The following EIF2AK1 variants were observed in gnomAD, a reference collection of about 807,000 sequenced individuals.
The protein encoded by EIF2AK1 is eukaryotic translation initiation factor 2-alpha kinase 1.
A neutral mutation model predicts 77.9 loss-of-function variants in EIF2AK1; 54 were observed. The ratio of observed to expected loss-of-function variants is 0.69; its 90% CI spans 0.56 to 0.87. The LOEUF (loss-of-function observed/expected upper bound fraction) is 0.87. EIF2AK1 is among the 40% of genes least tolerant of loss of function. The pLI, the probability that EIF2AK1 is intolerant of heterozygous loss-of-function variation, is 0.00. For synonymous variants in EIF2AK1, 314 were observed against 290.5 expected (o/e 1.08, Z -0.82); for missense variants, 810 against 768.6 (o/e 1.05, Z -0.64).
At position 6,056,338 on chromosome 7, in the gene EIF2AK1, T is replaced by C. The variant is rs1453923868; in HGVS notation, c.119-1634A>G. ...GGCCGGGTACGGTGGCTCACGCCTA[T>C]AATCCCAGCACTTTGGGAGGCCGAG... On this transcript the variant is annotated intron_variant, in intron 1 of 14. Coordinates refer to ENST00000199389, the MANE Select transcript of EIF2AK1 (RefSeq NM_014413.4). Among the ~76,000 whole-genome samples, 5 of 136,580 alleles carry C rather than the reference T, an allele frequency of 3.7e-5. No homozygotes were observed. In the South Asian group the frequency reaches 1.2e-3, roughly 33 times the overall value. The allele number at this position is 136,580 out of a possible 152,430, so 89.6% of individuals were successfully genotyped here.
rs780570820 is a variant in EIF2AK1 at position 6,023,361 on chromosome 7, G to C, written c.*1312C>G. The C allele has an allele frequency of 6.2e-7, 1 of 1,613,640 alleles. No homozygotes were observed. The highest frequency in any genetic ancestry group is 1.1e-5 in the South Asian group (1 of 90,984). On this transcript the variant is annotated 3_prime_UTR_variant, in exon 15 of 15. Transcript: ENST00000199389. ...CGATGTGCCCCATCGAAGGCGAAGG[G>C]AACATTGCACGTTTCTTGTTCTCTC...
chr7:6,030,893 A>G (rs1238380477), intron 11 of EIF2AK1, among the ~76,000 whole-genome samples: 1 of 152,210 alleles, frequency 6.6e-6, no homozygotes, highest in Non-Finnish European at 1.5e-5. Context: ...TTAAGCAAAG[A>G]GTACAGACCC....
intron 9 of EIF2AK1, among the ~76,000 whole-genome samples, chr7:6,040,436 G>C (rs771152813): frequency 7.9e-5 from 12 of 152,228 alleles, no homozygotes; most frequent in Non-Finnish European, 1.6e-4. Context: ...GGTTGTATCA[G>C]TATGACCCTC....
intron 11 of EIF2AK1, among the ~76,000 whole-genome samples, chr7:6,031,946 G>C (rs768753036): frequency 2.0e-4 from 31 of 152,296 alleles, no homozygotes; most frequent in Non-Finnish European, 3.8e-4. Flanking sequence ...GGCTGAGGTG[G>C]GTGGATCACC....
rs1275913712 is a variant in EIF2AK1, at chr7:6,036,435, T to A, written c.1332+989A>T. Reference sequence around the variant, plus strand: ...CAGAGGGACTTTCAGCCACTCAAACTGCATTTTCTGGCTAGACATGTCCCA... The same window carrying A: ...CAGAGGGACTTTCAGCCACTCAAACAGCATTTTCTGGCTAGACATGTCCCA... On this transcript the variant is annotated intron_variant, in intron 11 of 14. Coordinates refer to ENST00000199389, the MANE Select transcript of EIF2AK1 (RefSeq NM_014413.4). The surrounding 1 kb of genome is among the most constrained non-coding windows in gnomAD (Gnocchi z 4.6). The A allele has an allele frequency of 1.5e-6, 2 of 1,350,174 alleles. No individual in the cohort carries two copies. The highest frequency in any genetic ancestry group is 1.9e-6 in the Non-Finnish European group (2 of 1,025,774). The allele number at this position is 1,350,174 out of a possible 1,614,324, so 83.6% of individuals were successfully genotyped here. A position where few individuals can be genotyped will look rare whatever the true frequency, so the allele number is the denominator to read the frequency against.
At position 6,026,353 on chromosome 7, in the gene EIF2AK1, C is replaced by T; in HGVS notation, c.1764+375G>A. On this transcript the variant is annotated intron_variant, in intron 14 of 14. Transcript: ENST00000199389. ...TGACCTGGACATCTAAAGGCCTAGC[C>T]ATGAGAAGGTGCAAACCCTGCGGGC... 4.5e-6 allele frequency: 2 copies of T among 444,986 alleles called. 1 individual carries two copies. The highest frequency in any genetic ancestry group is 3.4e-5 in the South Asian group (2 of 58,064). The allele number at this position is 444,986 out of a possible 1,614,324, so 27.6% of individuals were successfully genotyped here.
rs1208174436 is a variant in EIF2AK1, at chr7:6,044,633, C to T, written c.659G>A (p.Gly220Asp). The T allele has an allele frequency of 1.2e-6, 2 of 1,613,866 alleles. No homozygotes were observed. Among genetic ancestry groups the T allele is most frequent in the African/African-American group, 2.7e-5 (2 of 74,904 alleles). The change falls in exon 7 of 15, where the codon GGT becomes GAT. Residue 220 changes from glycine to aspartate, a missense_variant. Gly to Asp is a moderately conservative substitution (Grantham distance 94). Transcript: ENST00000199389. ...GCCAACAATATTGGGGTGCTGAAGA[C>T]CTGCCAGCACCTTCACTTCCCGTAG... ...KVLREVKVLAGLQHPNIVGYH... is the reference protein window; with the variant it reads ...KVLREVKVLADLQHPNIVGYH...
chr7:6,038,847 C>T (rs1443470436), intron 9 of EIF2AK1, among the ~76,000 whole-genome samples, 176 bp from the exon 10 acceptor site: 1 of 152,106 alleles, frequency 6.6e-6, no homozygotes, highest in Non-Finnish European at 1.5e-5. Flanking sequence ...CACAGGCCCA[C>T]CCAAGAAGCC....
chr7:6,025,171 G>C (rs868232960), intron 14 of EIF2AK1, among the ~76,000 whole-genome samples: 87 of 152,016 alleles, frequency 5.7e-4, no homozygotes, highest in African/African-American at 1.9e-3. Context: ...ACTTTTGCAA[G>C]ATAGTAGAAA....
At position 6,024,143 on chromosome 7, in the gene EIF2AK1, T is replaced by C. The variant is rs758166559; in HGVS notation, c.*530A>G. 14 of 1,293,404 alleles carry C rather than the reference T, an allele frequency of 1.1e-5. No individual in the cohort carries two copies. The highest frequency in any genetic ancestry group is 1.0e-6 in the Non-Finnish European group (1 of 991,808). The allele number at this position is 1,293,404 out of a possible 1,614,324, so 80.1% of individuals were successfully genotyped here. On this transcript the variant is annotated 3_prime_UTR_variant, in exon 15 of 15. Transcript: ENST00000199389. Reference sequence around the variant, plus strand: ...AAGGTGGAGAGAACAGATAAAAAGGTTGGAAGTTGCACACTGTACACTGTT... The same window carrying C: ...AAGGTGGAGAGAACAGATAAAAAGGCTGGAAGTTGCACACTGTACACTGTT...
Position 6,044,559 on chromosome 7 carries a change from T to A in EIF2AK1, c.730+3A>T. On this transcript the variant is annotated splice_donor_region_variant and intron_variant, in intron 7 of 14. Transcript: ENST00000199389. Reference sequence around the variant, plus strand: ...AACTACCATACCATCAAAAACGGCTTACCTCGTGGCTGAATCACATGAACA... The same window carrying A: ...AACTACCATACCATCAAAAACGGCTAACCTCGTGGCTGAATCACATGAACA... 6 of 1,611,626 alleles carry A rather than the reference T, an allele frequency of 3.7e-6. No individual in the cohort carries two copies. Among genetic ancestry groups the A allele is most frequent in the Non-Finnish European group, 5.1e-6 (6 of 1,178,412 alleles).
Position 6,023,749 on chromosome 7 carries a change from A to T in EIF2AK1, c.*924T>A, listed in dbSNP as rs548198703. On this transcript the variant is annotated 3_prime_UTR_variant, in exon 15 of 15. Coordinates refer to ENST00000199389, the MANE Select transcript of EIF2AK1 (RefSeq NM_014413.4). ...TTAAGAATGGTGCTCTTTCATGCCT[A>T]TTATCAGTAAGGGGACTTGTATTAG... is the stretch of plus-strand genomic sequence containing the variant. 7 of 1,612,740 alleles carry T rather than the reference A, an allele frequency of 4.3e-6. No homozygotes were observed. In the South Asian group the frequency reaches 5.5e-5, roughly 13 times the overall value.
chr7:6,026,564 C>T lies in EIF2AK1; in HGVS notation c.1764+164G>A, dbSNP rs969891627. 4.2e-6 allele frequency: 3 copies of T among 720,446 alleles called. No homozygotes were observed. In the African/African-American group the frequency reaches 5.2e-5, roughly 13 times the overall value. 44.6% of individuals were successfully genotyped at this position (720,446 alleles called of 1,614,324 possible). On this transcript the variant is annotated intron_variant, in intron 14 of 14. Transcript: ENST00000199389. ...TGAGTCCTGCCAGCACACCCTGCAG[C>T]TGAGTGCCAGGAAGTGGACGAGAAC... is the stretch of plus-strand genomic sequence containing the variant.
At position 6,048,792 on chromosome 7, in the gene EIF2AK1, G is replaced by A. The variant is rs760763759; in HGVS notation, c.449+15C>T. Reference sequence around the variant, plus strand: ...TTCAATAGTCTGCATAATCAAGAAAGTTTTTCACACATACCTGATTTTCTG... The same window carrying A: ...TTCAATAGTCTGCATAATCAAGAAAATTTTTCACACATACCTGATTTTCTG... On this transcript the variant is annotated intron_variant, in intron 4 of 14. Transcript: ENST00000199389. 1.3e-6 allele frequency: 2 copies of A among 1,575,604 alleles called. No individual in the cohort carries two copies. Among genetic ancestry groups the A allele is most frequent in the African/African-American group, 2.7e-5 (2 of 73,104 alleles).
intron 13 of EIF2AK1, 33 bp from the exon 14 acceptor site, chr7:6,026,994 G>A (rs766616372): frequency 1.3e-6 from 2 of 1,545,106 alleles, no homozygotes; most frequent in Admixed American, 1.7e-5. Flanking sequence ...ACTCAGTAGT[G>A]AAATACAAAG....
chr7:6,023,982 G>C lies in EIF2AK1; in HGVS notation c.*691C>G. ...ATGTACAGATTGGCTGGGGAGCTGA[G>C]TGCTACAATAAAGGAGGAAGTACCG... On this transcript the variant is annotated 3_prime_UTR_variant, in exon 15 of 15. Coordinates refer to ENST00000199389, the MANE Select transcript of EIF2AK1 (RefSeq NM_014413.4). 1.5e-6 allele frequency: 2 copies of C among 1,370,846 alleles called. No homozygotes were observed. The highest frequency in any genetic ancestry group is 1.9e-6 in the Non-Finnish European group (2 of 1,043,110). 84.9% of individuals were successfully genotyped at this position (1,370,846 alleles called of 1,614,324 possible).
At chr7:6,026,019 T>C (rs963614028) in intron 14 of EIF2AK1, among the ~76,000 whole-genome samples, 18 of 151,334 alleles carry the variant, frequency 1.2e-4, no homozygotes, top group African/African-American at 3.4e-4. Flanking sequence ...ACAGAGACCA[T>C]GTCCAGGGCA....
At chr7:6,038,881 T>C (rs569989938) in intron 9 of EIF2AK1, among the ~76,000 whole-genome samples, 1 of 152,014 alleles carries the variant, frequency 6.6e-6, no homozygotes, top group African/African-American at 2.4e-5. Context: ...AAGTGACAGA[T>C]AAGGAGACTG....
At chr7:6,030,110 G>A (rs927577934) in intron 11 of EIF2AK1, among the ~76,000 whole-genome samples, 3 of 152,208 alleles carry the variant, frequency 2.0e-5, no homozygotes, top group Non-Finnish European at 2.9e-5. Context: ...GCCTGCAAAT[G>A]TAACAAACCA....
Sources: allele counts gnomAD v4.1 joint callset (sites outside exome capture counted in the v4.1 genomes callset), GRCh38; gene constraint gnomAD v4.1.1; non-coding constraint Gnocchi (gnomAD v3.1); transcripts MANE v1.5; gene names NCBI Gene and HGNC (gene_info 2026-07-23, HGNC 2026-07-21).